Variants in MKLN1 observed in about 807,000 individuals in gnomAD.
MKLN1 encodes the protein muskelin 1, also known as muskelin.
In MKLN1, 18 loss-of-function variants were observed where a neutral mutation model predicts 99.0. That is an observed-to-expected ratio of 0.18 (90% CI 0.13 to 0.27). The LOEUF is 0.27. MKLN1 is among the 10% of genes least tolerant of loss of function. The pLI is 1.00. For synonymous variants in MKLN1, 288 were observed against 293.2 expected, an observed-to-expected ratio of 0.98 and a Z score of 0.18; for missense variants, 621 against 875.9, an observed-to-expected ratio of 0.71 and a Z score of 3.67.
rs1210930999 is a variant in MKLN1 at position 131,487,099 on chromosome 7, C to G, written c.2087-508C>G. ...TCCCTGAGACTACTTCCAGCTGTCT[C>G]AGAGACATTAATGATTTTAGACTAA... On this transcript the variant is annotated intron_variant, in intron 17 of 17. Coordinates refer to ENST00000352689, the MANE Select transcript of MKLN1 (RefSeq NM_013255.5). The surrounding 1 kb of genome is among the most constrained non-coding windows in gnomAD (Gnocchi z 4.7). Among the ~76,000 whole-genome samples the G allele has an allele frequency of 6.6e-6, 1 of 152,100 alleles. No homozygotes were observed. The highest frequency in any genetic ancestry group is 2.4e-5 in the African/African-American group (1 of 41,430).
intron 6 of MKLN1, among the ~76,000 whole-genome samples, chr7:131,400,518 A>ATATATATATATATATATATAT (rs1554567982): frequency 2.9e-5 from 4 of 137,428 alleles, no homozygotes; most frequent in African/African-American, 8.4e-5. Flanking sequence ...ATAAAAAAAA[A>ATATATATATATATATATATAT]ATATATATAT....
intron 1 of MKLN1, among the ~76,000 whole-genome samples, chr7:131,114,858 C>T (rs1795250626): frequency 1.3e-5 from 2 of 152,002 alleles, no homozygotes; most frequent in Admixed American, 1.3e-4. Flanking sequence ...ATCTCTTGAA[C>T]CCAGGAGGCA....
intron 3 of MKLN1, among the ~76,000 whole-genome samples, chr7:131,261,145 G>A (rs2116536078): frequency 6.6e-6 from 1 of 152,284 alleles, no homozygotes; most frequent in Non-Finnish European, 1.5e-5. Flanking sequence ...TTGACAAATG[G>A]GATCTAATTA....
intron 2 of MKLN1, among the ~76,000 whole-genome samples, chr7:131,199,625 T>C (rs1221023392): frequency 6.6e-6 from 1 of 152,236 alleles, no homozygotes; most frequent in East Asian, 1.9e-4. Flanking sequence ...CCTTTATATA[T>C]CACATCAAGG....
At position 131,192,087 on chromosome 7, in the gene MKLN1, T is replaced by TAAAA. The variant is rs1563247082; in HGVS notation, c.-296-10769_-296-10768insAAAA. On this transcript the variant is annotated intron_variant, in intron 2 of 7. Coordinates refer to the MKLN1 transcript ENST00000416992. ...ATATATTATATATATACATATATATTATATATATATGTATATATATATTAT... is the reference window on the plus strand; with the variant it reads ...ATATATTATATATATACATATATATTAAAAATATATATATGTATATATATATTAT... Among the ~76,000 whole-genome samples, 562 of 75,560 alleles carry TAAAA rather than the reference T, an allele frequency of 7.4e-3. 58 individuals are homozygous for TAAAA. Among genetic ancestry groups the TAAAA allele is most frequent in the African/African-American group, 0.033 (528 of 16,080 alleles). 49.6% of individuals were successfully genotyped at this position (75,560 alleles called of 152,430 possible).
chr7:131,386,449 A>G (rs936686060), intron 2 of MKLN1, among the ~76,000 whole-genome samples: 2 of 152,354 alleles, frequency 1.3e-5, no homozygotes, highest in African/African-American at 4.8e-5. Context: ...ATCGTGAAGC[A>G]TGACGTCTCT....
rs573965559 is a variant in MKLN1 at position 131,465,027 on chromosome 7, C to T, written c.1788+619C>T. Among the ~76,000 whole-genome samples, 202 of 152,214 alleles carry T rather than the reference C, an allele frequency of 1.3e-3. 1 individual carries two copies. The highest frequency in any genetic ancestry group is 4.3e-3 in the African/African-American group (177 of 41,552). ...CCATGGATGATTTATTTAAATTCTA[C>T]GCAATACACTTTGAGACCTTTAGGT... On this transcript the variant is annotated intron_variant, in intron 14 of 17. Transcript: ENST00000352689.
chr7:131,260,139 G>A (rs1297758792), intron 3 of MKLN1, among the ~76,000 whole-genome samples: 1 of 151,642 alleles, frequency 6.6e-6, no homozygotes, highest in Non-Finnish European at 1.5e-5. Flanking sequence ...TCTGCCTCCC[G>A]AGCTCAAGCA....
chr7:131,213,793 A>G (rs1796940965), intron 3 of MKLN1, among the ~76,000 whole-genome samples: 1 of 152,172 alleles, frequency 6.6e-6, no homozygotes, highest in Non-Finnish European at 1.5e-5. Flanking sequence ...ATAGGTATGA[A>G]ATAGTTGATT....
intron 2 of MKLN1, among the ~76,000 whole-genome samples, chr7:131,195,156 C>T (rs184341252): frequency 8.1e-4 from 124 of 152,252 alleles, no homozygotes; most frequent in Non-Finnish European, 1.5e-3. Flanking sequence ...ACCCCATTTA[C>T]AATTTATCAT....
intron 4 of MKLN1, among the ~76,000 whole-genome samples, chr7:131,394,744 A>G (rs939973899): frequency 6.6e-6 from 1 of 152,016 alleles, no homozygotes; most frequent in South Asian, 2.1e-4. Flanking sequence ...TATTCTGGAT[A>G]TTCTATTTTG....
Position 131,448,914 on chromosome 7 carries a change from G to A in MKLN1, c.1525+3011G>A, listed in dbSNP as rs189699716. Among the ~76,000 whole-genome samples, 443 of 152,242 alleles carry A rather than the reference G, an allele frequency of 2.9e-3. 1 individual carries two copies. The highest frequency in any genetic ancestry group is 0.01 in the African/African-American group (419 of 41,536). ...CCCACTTAGTTCATTGTCTTCTGTA[G>A]GCCCAAGATTATTTTAGGCACTTGG... On this transcript the variant is annotated intron_variant, in intron 12 of 17. Coordinates refer to ENST00000352689, the MANE Select transcript of MKLN1 (RefSeq NM_013255.5).
At chr7:131,288,911 A>G (rs536543558) in intron 3 of MKLN1, among the ~76,000 whole-genome samples, 1 of 152,204 alleles carries the variant, frequency 6.6e-6, no homozygotes, top group African/African-American at 2.4e-5. Context: ...ATTCAACTCA[A>G]CAAAAGAATC....
chr7:131,430,057 A>C (rs1795478178), intron 9 of MKLN1, among the ~76,000 whole-genome samples: 1 of 152,210 alleles, frequency 6.6e-6, no homozygotes, highest in Admixed American at 6.5e-5. Context: ...ATTTTTTCAA[A>C]TCTTTATAGA....
At chr7:131,150,433 G>A (rs1210746869) in intron 2 of MKLN1, among the ~76,000 whole-genome samples, 1 of 152,122 alleles carries the variant, frequency 6.6e-6, no homozygotes, top group African/African-American at 2.4e-5. Flanking sequence ...ACTGCAGTGA[G>A]CTATGATGGC....
intron 6 of MKLN1, among the ~76,000 whole-genome samples, chr7:131,406,806 T>C (rs930730442): frequency 6.6e-6 from 1 of 152,230 alleles, no homozygotes. Flanking sequence ...TCGACTGTTA[T>C]TAACCAGCTT....
chr7:131,351,930 T>C (rs1799731889), intron 1 of MKLN1, among the ~76,000 whole-genome samples: 1 of 152,210 alleles, frequency 6.6e-6, no homozygotes, highest in Non-Finnish European at 1.5e-5. Context: ...TTACCATTCC[T>C]TTCACATTTA....
At chr7:131,231,595 C>T (rs1357967588) in intron 3 of MKLN1, among the ~76,000 whole-genome samples, 1 of 152,116 alleles carries the variant, frequency 6.6e-6, no homozygotes, top group East Asian at 1.9e-4. Context: ...TGAGGCTGGG[C>T]ATGTGTGCAT....
At chr7:131,439,865 A>AAC (rs57399724) in intron 10 of MKLN1, among the ~76,000 whole-genome samples, 9 of 146,320 alleles carry the variant, frequency 6.2e-5, no homozygotes, top group African/African-American at 1.8e-4. Context: ...AAAAGATTTA[A>AAC]ACACACACAC....
Sources: allele counts gnomAD v4.1 joint callset (sites outside exome capture counted in the v4.1 genomes callset), GRCh38; gene constraint gnomAD v4.1.1; non-coding constraint Gnocchi (gnomAD v3.1); transcripts MANE v1.5; gene names NCBI Gene and HGNC (gene_info 2026-07-23, HGNC 2026-07-21).